The following FRMD4A variants were observed in gnomAD, a reference collection of about 807,000 sequenced individuals.
FRMD4A encodes the protein FERM domain containing 4A, also known as FERM domain-containing protein 4A.
Under a neutral mutation model 129.1 loss-of-function variants are expected in FRMD4A, and 29 were observed. The ratio of observed to expected loss-of-function variants is 0.22; its 90% CI spans 0.17 to 0.31. The LOEUF is 0.31. Among genes scored for constraint, FRMD4A ranks in the 10% least tolerant of loss-of-function variants. The probability of loss-of-function intolerance (pLI) is 1.00; values close to 1 mark genes in which losing one functional copy is unlikely to be tolerated. For missense variants in FRMD4A, 1,272 were observed against 1,375.8 expected, an observed-to-expected ratio of 0.92 and a Z score of 1.19; for synonymous variants, 634 against 571.6, an observed-to-expected ratio of 1.11 and a Z score of -1.56.
intron 2 of FRMD4A, among the ~76,000 whole-genome samples, chr10:14,269,371 G>A (rs1297767268): frequency 6.6e-6 from 1 of 152,158 alleles, no homozygotes; most frequent in African/African-American, 2.4e-5. Context: ...ATTATGTTAT[G>A]GTTCTGCAGT....
chr10:14,187,604 A>AC (rs1305228730), intron 2 of FRMD4A, among the ~76,000 whole-genome samples: 1 of 152,128 alleles, frequency 6.6e-6, no homozygotes, highest in Non-Finnish European at 1.5e-5. Context: ...ACATAGTGAG[A>AC]CCCCGTCCCT....
chr10:14,012,146 A>T (rs955727079), intron 2 of FRMD4A, among the ~76,000 whole-genome samples: 5 of 149,750 alleles, frequency 3.3e-5, no homozygotes, highest in African/African-American at 1.2e-4. Context: ...TGGCTGCTGG[A>T]TGTGGGGTGG....
chr10:13,938,713 C>G (rs2095267988), intron 2 of FRMD4A, among the ~76,000 whole-genome samples: 2 of 152,326 alleles, frequency 1.3e-5, no homozygotes, highest in South Asian at 4.1e-4. Flanking sequence ...TGCTCTCCAG[C>G]CAGTGGAGGA....
chr10:13,893,196 G>A (rs1195676141), intron 2 of FRMD4A, among the ~76,000 whole-genome samples: 1 of 151,714 alleles, frequency 6.6e-6, no homozygotes, highest in Non-Finnish European at 1.5e-5. Flanking sequence ...CCCACCACAC[G>A]CTGCTAATTT....
intron 2 of FRMD4A, among the ~76,000 whole-genome samples, chr10:14,016,994 G>A (rs1310755804): frequency 6.6e-6 from 1 of 152,206 alleles, no homozygotes; most frequent in African/African-American, 2.4e-5. Flanking sequence ...TGGATTTTAT[G>A]CCTCCACACG....
chr10:14,290,603 AGC>A (rs1477339509), intron 2 of FRMD4A, among the ~76,000 whole-genome samples: 1 of 152,114 alleles, frequency 6.6e-6, no homozygotes, highest in African/African-American at 2.4e-5. Context: ...AAAAAACTTA[AGC>A]ACAAGACCTA....
chr10:14,289,957 T>G (rs1036966348), intron 2 of FRMD4A, among the ~76,000 whole-genome samples: 1 of 152,010 alleles, frequency 6.6e-6, no homozygotes, highest in Admixed American at 6.6e-5. Context: ...TTCTATACAT[T>G]AATGATGAAC....
chr10:13,761,818 T>A, intron 7 of FRMD4A, 149 bp from the exon 8 acceptor site: 1 of 626,486 alleles, frequency 1.6e-6, no homozygotes, highest in Non-Finnish European at 2.9e-6. Context: ...AGGAATACAA[T>A]TAAAACTGAA....
At chr10:13,708,156 T>C (rs147086408) in intron 12 of FRMD4A, among the ~76,000 whole-genome samples, 1 of 152,330 alleles carries the variant, frequency 6.6e-6, no homozygotes, top group East Asian at 1.9e-4. Context: ...GGGGAACAGC[T>C]TCCCTGGGCT....
intron 2 of FRMD4A, among the ~76,000 whole-genome samples, chr10:13,866,963 A>G (rs2094375492): frequency 1.3e-5 from 2 of 152,160 alleles, no homozygotes; most frequent in Admixed American, 1.3e-4. Flanking sequence ...ACAAACAATC[A>G]AAAAAATTAG....
At chr10:14,106,722 AT>A (rs929300606) in intron 2 of FRMD4A, among the ~76,000 whole-genome samples, 2 of 152,312 alleles carry the variant, frequency 1.3e-5, no homozygotes, top group South Asian at 2.1e-4. Flanking sequence ...ATCATTTCAG[AT>A]TTTTTTAAAA....
intron 2 of FRMD4A, among the ~76,000 whole-genome samples, chr10:14,061,262 A>G (rs1834798475): frequency 6.6e-6 from 1 of 151,094 alleles, no homozygotes; most frequent in African/African-American, 2.5e-5. Flanking sequence ...CTTGATCAAC[A>G]TGGGTGTTGA....
chr10:13,867,978 G>C (rs2094395694), intron 2 of FRMD4A, among the ~76,000 whole-genome samples: 1 of 145,538 alleles, frequency 6.9e-6, no homozygotes, highest in African/African-American at 2.5e-5. Flanking sequence ...ACCTATCTGG[G>C]CATGGTGGCT....
chr10:13,860,312 C>T (rs181309669), intron 2 of FRMD4A, among the ~76,000 whole-genome samples: 2 of 152,174 alleles, frequency 1.3e-5, no homozygotes, highest in Non-Finnish European at 2.9e-5. Context: ...TTTTTATTAT[C>T]TTTGTTTGTT....
intron 3 of FRMD4A, among the ~76,000 whole-genome samples, chr10:13,828,371 A>C (rs2093735348): frequency 6.6e-6 from 1 of 152,126 alleles, no homozygotes; most frequent in Non-Finnish European, 1.5e-5. Flanking sequence ...CCACGTGTGC[A>C]CTTTAAGTGA....
At chr10:13,842,063 G>C (rs2093976241) in intron 3 of FRMD4A, among the ~76,000 whole-genome samples, 1 of 152,138 alleles carries the variant, frequency 6.6e-6, no homozygotes, top group Admixed American at 6.5e-5. Context: ...TCACAACAGG[G>C]CTTTGTCAGT....
chr10:14,053,108 G>A (rs945307335), intron 2 of FRMD4A, among the ~76,000 whole-genome samples: 4 of 152,268 alleles, frequency 2.6e-5, no homozygotes, highest in Admixed American at 2.0e-4. Flanking sequence ...GTGAGCAAAC[G>A]TTTTGAAGGG....
chr10:13,982,512 T>C (rs1201080770), intron 2 of FRMD4A, among the ~76,000 whole-genome samples: 2 of 148,004 alleles, frequency 1.4e-5, no homozygotes, highest in Non-Finnish European at 3.0e-5. Flanking sequence ...GGGGAAGGGA[T>C]CCTCTGACCT....
At chr10:13,880,467 C>A (rs1188033501) in intron 2 of FRMD4A, among the ~76,000 whole-genome samples, 1 of 152,210 alleles carries the variant, frequency 6.6e-6, no homozygotes. Flanking sequence ...CTCTGCCCAC[C>A]TTGCAATCTC....
Sources: gnomAD v4.1 joint callset for allele counts (sites outside exome capture counted in the v4.1 genomes callset) on GRCh38, gnomAD v4.1.1 for gene constraint, MANE v1.5 for transcripts, NCBI Gene and HGNC (gene_info 2026-07-23, HGNC 2026-07-21) for gene names.